Variants in PCID2 observed in about 807,000 individuals in gnomAD.
The protein encoded by PCID2 is PCI domain-containing protein 2.
Under a neutral mutation model 61.3 loss-of-function variants are expected in PCID2, and 41 were observed. The observed-to-expected ratio is 0.67, with a 90% CI of 0.52 to 0.87. PCID2 has a LOEUF of 0.87. PCID2 is among the 40% of genes least tolerant of loss of function. The pLI, the probability that PCID2 is intolerant of heterozygous loss-of-function variation, is 0.00. For missense variants in PCID2, 392 were observed against 493.4 expected (o/e 0.79, Z 1.95); for synonymous variants, 187 against 177.8 (o/e 1.05, Z -0.41).
chr13:113,196,147 A>G, intron 5 of PCID2, 34 bp downstream of exon 5: 2 of 1,556,636 alleles, frequency 1.3e-6, no homozygotes, highest in Non-Finnish European at 1.8e-6. Context: ...AAAAATTGCC[A>G]TTTGCTAATT....
chr13:113,196,950 T>C, intron 4 of PCID2: 1 of 1,132,986 alleles, frequency 8.8e-7, no homozygotes, highest in Admixed American at 1.7e-5. Flanking sequence ...GTAAGATCCT[T>C]CTTCCTAACC....
At chr13:113,205,092 T>C (rs946901711) in intron 1 of PCID2, among the ~76,000 whole-genome samples, 3 of 152,198 alleles carry the variant, frequency 2.0e-5, no homozygotes, top group African/African-American at 7.2e-5. Flanking sequence ...TCATTACAGG[T>C]CATGAACCTC....
intron 7 of PCID2, chr13:113,185,920 G>A (rs1232240037): frequency 1.1e-5 from 2 of 182,380 alleles, no homozygotes; most frequent in African/African-American, 4.8e-5. Context: ...GCATGGTGGT[G>A]TGTGCCTGTA....
chr13:113,174,172 A>G (rs9577473), downstream of PCID2, among the ~76,000 whole-genome samples: 2,515 of 151,578 alleles, frequency 0.017, 158 homozygotes, highest in East Asian at 0.21. Context: ...CGGGAGGCAG[A>G]GGTTGCAGTA....
chr13:113,205,816 GA>G (rs2039769517), intron 1 of PCID2, among the ~76,000 whole-genome samples: 1 of 152,338 alleles, frequency 6.6e-6, no homozygotes, highest in Admixed American at 6.5e-5. Flanking sequence ...CGGGAGGGAG[GA>G]CCAGGGAGTG....
the PCID2 span, chr13:113,171,815 C>T: frequency 2.5e-5 from 41 of 1,613,550 alleles, no homozygotes; most frequent in Middle Eastern, 1.6e-4. This position sits in a 1 kb window ranked among gnomAD's most constrained non-coding sequence, Gnocchi z 5.1. Flanking sequence ...CGGCTGGGCA[C>T]GCAATGGCAC....
the PCID2 span, chr13:113,165,040 G>A: frequency 2.5e-6 from 4 of 1,613,248 alleles, no homozygotes; most frequent in Non-Finnish European, 3.4e-6. Flanking sequence ...TCATGTTGCT[G>A]CCGCAAATGC....
At chr13:113,200,044 C>T (rs2039300323) in intron 2 of PCID2, among the ~76,000 whole-genome samples, 1 of 152,220 alleles carries the variant, frequency 6.6e-6, no homozygotes, top group African/African-American at 2.4e-5. Context: ...CAACCCCAGG[C>T]TGGGCCTTGG....
rs1438360840 is a variant in PCID2, at chr13:113,201,945, C to T, written c.37-1429G>A. Among the ~76,000 whole-genome samples the T allele has an allele frequency of 4.0e-5, 6 of 151,894 alleles. No homozygotes were observed. The South Asian group carries it at 6.2e-4, about 16-fold the overall frequency. On this transcript the variant is annotated intron_variant, in intron 1 of 13. Transcript: ENST00000337344. ...CATTTTATGCTAACACAAGACTGAC[C>T]GGGGATGTCATAACATGCATGTGCA...
chr13:113,195,051 T>C lies in PCID2; in HGVS notation c.363+20A>G. ...CCAAGTTTTAGTTTTAAAATAATAA[T>C]GACAGCAAATTAAACTTACATTATT... On this transcript the variant is annotated intron_variant, in intron 6 of 13. Coordinates refer to ENST00000337344, the MANE Select transcript of PCID2 (RefSeq NM_001127202.4). 6.6e-7 allele frequency: 1 copy of C among 1,525,610 alleles called. No homozygotes were observed. Among genetic ancestry groups the C allele is most frequent in the Non-Finnish European group, 9.1e-7 (1 of 1,099,164 alleles). The allele number at this position is 1,525,610 out of a possible 1,614,324, so 94.5% of individuals were successfully genotyped here.
At chr13:113,200,235 C>T (rs2039317109) in intron 2 of PCID2, among the ~76,000 whole-genome samples, 192 bp downstream of exon 2, 1 of 152,234 alleles carries the variant, frequency 6.6e-6, no homozygotes, top group South Asian at 2.1e-4. Flanking sequence ...AGGTCCACAT[C>T]ACCACAGTGT....
chr13:113,206,285 A>AGCCCAG (rs1252007734), intron 1 of PCID2, among the ~76,000 whole-genome samples: 2 of 152,252 alleles, frequency 1.3e-5, no homozygotes, highest in African/African-American at 2.4e-5. Flanking sequence ...ATTAGTAAAA[A>AGCCCAG]TGCCAGGATT....
At chr13:113,203,269 G>C (rs1381852756) in intron 1 of PCID2, among the ~76,000 whole-genome samples, 1 of 152,224 alleles carries the variant, frequency 6.6e-6, no homozygotes, top group East Asian at 1.9e-4. Flanking sequence ...CAGCCATTCA[G>C]AGGCAGCCCT....
Position 113,179,695 on chromosome 13 carries a change from T to A in PCID2, c.986+222A>T. On this transcript the variant is annotated intron_variant, in intron 12 of 13. Transcript: ENST00000337344. This position sits in a 1 kb window ranked among gnomAD's most constrained non-coding sequence, Gnocchi z 4.3. ...GTTGTCTTCTCACATAGAACCTGCT[T>A]ACCTCCCCCACAAGTCCAGGCACAG... is the stretch of plus-strand genomic sequence containing the variant. 6.6e-6 allele frequency among the ~76,000 whole-genome samples: 1 copy of A among 152,164 alleles called. No individual in the cohort carries two copies.
At position 113,184,369 on chromosome 13, in the gene PCID2, A is replaced by G; in HGVS notation, c.662T>C (p.Met221Thr). 6.2e-7 allele frequency: 1 copy of G among 1,613,718 alleles called. No homozygotes were observed. Among genetic ancestry groups the G allele is most frequent in the Non-Finnish European group, 8.5e-7 (1 of 1,179,660 alleles). The change falls in exon 9 of 14, where the codon ATG becomes ACG. Residue 221 changes from methionine to threonine, a missense_variant. Physicochemically the swap from Met to Thr is moderately conservative, Grantham distance 81. Coordinates refer to ENST00000337344, the MANE Select transcript of PCID2 (RefSeq NM_001127202.4). ...TYKYYVGRKAMFDSDFKQAEE... is the reference protein window; with the variant it reads ...TYKYYVGRKATFDSDFKQAEE... The stretch of plus-strand genomic sequence containing the variant: ...ACCTTGCTTAAAATCGCTGTCAAAC[A>G]TAGCCTTGCGTCCAACGTAGTATTT...
At chr13:113,196,488 CCTTT>C (rs1456199916) in intron 4 of PCID2, among the ~76,000 whole-genome samples, 2 of 152,058 alleles carry the variant, frequency 1.3e-5, no homozygotes, top group African/African-American at 4.8e-5. Flanking sequence ...TAAAATCAGC[CCTTT>C]CTGACATTTT....
At chr13:113,192,082 ACT>A (rs1254253896) in intron 6 of PCID2, among the ~76,000 whole-genome samples, 4 of 152,030 alleles carry the variant, frequency 2.6e-5, no homozygotes, top group South Asian at 2.1e-4. Flanking sequence ...ATATGGCAAG[ACT>A]CTGTCTTAAT....
the PCID2 span, chr13:113,171,747 C>A: frequency 6.2e-7 from 1 of 1,612,136 alleles, no homozygotes; most frequent in Non-Finnish European, 8.5e-7. This position sits in a 1 kb window ranked among gnomAD's most constrained non-coding sequence, Gnocchi z 5.1. Context: ...CCCGTGTGCA[C>A]CCCTGAGAAA....
rs1350032033 is a variant in PCID2, at chr13:113,179,647, G to C, written c.986+270C>G. On this transcript the variant is annotated intron_variant, in intron 12 of 13. Coordinates refer to ENST00000337344, the MANE Select transcript of PCID2 (RefSeq NM_001127202.4). This position sits in a 1 kb window ranked among gnomAD's most constrained non-coding sequence, Gnocchi z 4.3. ...TGCTCTGATGAAATGTGGTACCGCG[G>C]CTCTCAGGGCTGATGTTCTCAAGTT... Among the ~76,000 whole-genome samples the C allele has an allele frequency of 1.3e-5, 2 of 152,174 alleles. No homozygotes were observed. Among genetic ancestry groups the C allele is most frequent in the African/African-American group, 2.4e-5 (1 of 41,438 alleles).
Sources: gnomAD v4.1 joint callset for allele counts (sites outside exome capture counted in the v4.1 genomes callset) on GRCh38, gnomAD v4.1.1 for gene constraint, Gnocchi (gnomAD v3.1) non-coding constraint, MANE v1.5 for transcripts, NCBI Gene and HGNC (gene_info 2026-07-23, HGNC 2026-07-21) for gene names.